Variants in USP37 observed in about 807,000 individuals in gnomAD.
USP37 encodes the protein ubiquitin specific peptidase 37.
A neutral mutation model predicts 124.0 loss-of-function variants in USP37; 27 were observed. The observed-to-expected ratio is 0.22, with a 90% CI of 0.16 to 0.30. The LOEUF is 0.30. Among genes scored for constraint, USP37 ranks in the 10% least tolerant of loss-of-function variants. USP37 has a pLI of 1.00. For missense variants in USP37, 889 were observed against 1,140.4 expected (o/e 0.78, Z 3.17); for synonymous variants, 365 against 388.0 (o/e 0.94, Z 0.70).
rs1334990975 is a variant in USP37 at position 218,497,590 on chromosome 2, C to T, written c.1281+144G>A. ...TGTATTTTTAGTAGACACAGGGTTT[C>T]GCCATGTTGGCCAGGCTGGTCTCAA... is the stretch of plus-strand genomic sequence containing the variant. On this transcript the variant is annotated intron_variant, in intron 13 of 25. Coordinates refer to ENST00000258399, the MANE Select transcript of USP37 (RefSeq NM_020935.3). 8.3e-6 allele frequency: 8 copies of T among 959,372 alleles called. No individual in the cohort carries two copies. In the Admixed American group the frequency reaches 9.1e-5, roughly 11 times the overall value. 59.4% of individuals were successfully genotyped at this position (959,372 alleles called of 1,614,324 possible). A position where few individuals can be genotyped will look rare whatever the true frequency, so the allele number is the denominator to read the frequency against.
intron 20 of USP37, among the ~76,000 whole-genome samples, chr2:218,470,714 T>G (rs1690635269): frequency 6.6e-6 from 1 of 152,244 alleles, no homozygotes; most frequent in Non-Finnish European, 1.5e-5. Context: ...TCTGAGTCTT[T>G]GTACACACTA....
intron 16 of USP37, among the ~76,000 whole-genome samples, chr2:218,484,645 AAC>A (rs199632182): frequency 0.66 from 98,072 of 149,352 alleles, 32,634 homozygotes; most frequent in East Asian, 0.89. Flanking sequence ...CAACAACAAC[AAC>A]AAACAACCAA....
chr2:218,549,881 A>G lies in USP37; in HGVS notation c.357T>C (p.Ser119=). Reference sequence around the variant, plus strand: ...TCCTGCTGCCCAGAATGGCTCCAAAACTACCAGACCCCTGAGACGGTTTCA... The same window carrying G: ...TCCTGCTGCCCAGAATGGCTCCAAAGCTACCAGACCCCTGAGACGGTTTCA... ...AAMKPSQGSG[S]FGAILGSRTS... The change falls in exon 6 of 26, where the codon AGT becomes AGC. Residue 119 remains serine, a synonymous_variant. Coordinates refer to ENST00000258399, the MANE Select transcript of USP37 (RefSeq NM_020935.3). 6.2e-7 allele frequency: 1 copy of G among 1,612,262 alleles called. No individual in the cohort carries two copies. The highest frequency in any genetic ancestry group is 8.5e-7 in the Non-Finnish European group (1 of 1,179,252).
intron 5 of USP37, among the ~76,000 whole-genome samples, chr2:218,553,213 G>GT (rs1244549144): frequency 2.6e-5 from 4 of 152,214 alleles, no homozygotes; most frequent in African/African-American, 7.2e-5. Flanking sequence ...GATGTTAGCT[G>GT]TAAGTTGTTG....
At chr2:218,522,669 A>C (rs535148162) in intron 10 of USP37, among the ~76,000 whole-genome samples, 11 of 151,120 alleles carry the variant, frequency 7.3e-5, no homozygotes, top group African/African-American at 2.7e-4. Flanking sequence ...TTTTTTTATT[A>C]ATTTGGGGAT....
intron 14 of USP37, among the ~76,000 whole-genome samples, chr2:218,490,377 T>C (rs910764195): frequency 2.6e-5 from 4 of 152,208 alleles, no homozygotes; most frequent in Non-Finnish European, 5.9e-5. Context: ...TTTATGTGCA[T>C]ATGTGGATAC....
At chr2:218,542,340 G>A (rs1692030652) in intron 8 of USP37, among the ~76,000 whole-genome samples, 1 of 152,190 alleles carries the variant, frequency 6.6e-6, no homozygotes, top group Admixed American at 6.5e-5. Context: ...TTAACAGACA[G>A]ACTTCTAATT....
rs915481378 is a variant in USP37, at chr2:218,485,720, A to T, written c.1614T>A (p.Cys538Ter). ...FFRAEELEYS[C>*]EKCGGKCALV... is the part of the protein sequence containing the mutation. ...GAGCACACTTCCCACCACACTTCTC[A>T]CAAGAATACTCCAGTTCTTCGGCCT... is the stretch of plus-strand genomic sequence containing the variant. Residue 538 changes from cysteine (C) to a stop codon, truncating the protein, a stop_gained, in exon 16 of 26, where the codon TGT becomes TGA. Transcript: ENST00000258399. LOFTEE classifies it high-confidence loss of function. 6.2e-7 allele frequency: 1 copy of T among 1,611,474 alleles called. No individual in the cohort carries two copies.
intron 11 of USP37, among the ~76,000 whole-genome samples, chr2:218,501,268 G>A (rs1689369723): frequency 6.6e-6 from 1 of 151,932 alleles, no homozygotes; most frequent in South Asian, 2.1e-4. Context: ...TTGAACTCCT[G>A]GGCTCAAGCA....
chr2:218,463,853 G>GTTT (rs1559162855), intron 21 of USP37, among the ~76,000 whole-genome samples: 4 of 129,248 alleles, frequency 3.1e-5, no homozygotes, highest in African/African-American at 3.0e-5. Context: ...TATTTTTTAA[G>GTTT]ATTTTTTTTT....
chr2:218,451,352 T>C lies in USP37; in HGVS notation c.*3578A>G, dbSNP rs1689472207. On this transcript the variant is annotated 3_prime_UTR_variant, in exon 26 of 26. Coordinates refer to ENST00000258399, the MANE Select transcript of USP37 (RefSeq NM_020935.3). ...ACTTGGAGATCCAGCTGTTGCCCCC[T>C]GTTTAAAACAAAAGACCACCTCGGG... 1 of 152,172 alleles carries C rather than the reference T, an allele frequency of 6.6e-6. No homozygotes were observed. Among genetic ancestry groups the C allele is most frequent in the Non-Finnish European group, 1.5e-5 (1 of 68,018 alleles). 9.4% of individuals were successfully genotyped at this position (152,172 alleles called of 1,614,324 possible).
chr2:218,492,328 A>G (rs1439683254), intron 14 of USP37, among the ~76,000 whole-genome samples: 3 of 152,230 alleles, frequency 2.0e-5, no homozygotes, highest in Non-Finnish European at 2.9e-5. Context: ...AACAAAAGCA[A>G]GGAAGCTCAT....
chr2:218,547,300 G>T (rs572380767), intron 6 of USP37, among the ~76,000 whole-genome samples: 1 of 152,072 alleles, frequency 6.6e-6, no homozygotes, highest in Non-Finnish European at 1.5e-5. Flanking sequence ...CTGCAATCTA[G>T]CCTAGGCGAC....
At chr2:218,567,418 A>G (rs570741153) in intron 1 of USP37, among the ~76,000 whole-genome samples, 2 of 152,290 alleles carry the variant, frequency 1.3e-5, no homozygotes, top group East Asian at 3.9e-4. Flanking sequence ...TACTATCAAT[A>G]TGGCAGATGA....
At chr2:218,465,661 G>T (rs1690274266) in intron 21 of USP37, among the ~76,000 whole-genome samples, 1 of 152,036 alleles carries the variant, frequency 6.6e-6, no homozygotes, top group Non-Finnish European at 1.5e-5. Flanking sequence ...GGGTTCAAGC[G>T]ATTCTCCTGC....
intron 10 of USP37, among the ~76,000 whole-genome samples, chr2:218,518,395 G>A (rs551295028): frequency 3.0e-4 from 46 of 152,118 alleles, no homozygotes; most frequent in African/African-American, 1.1e-3. Flanking sequence ...GTCCACTGCC[G>A]ATCTAAACTA....
chr2:218,482,273 T>C, intron 16 of USP37, 39 bp from the exon 17 acceptor site: 4 of 1,577,492 alleles, frequency 2.5e-6, no homozygotes, highest in Non-Finnish European at 3.5e-6. Flanking sequence ...AATTCATACA[T>C]AATACATGTA....
At chr2:218,525,005 C>T (rs540511390) in intron 10 of USP37, among the ~76,000 whole-genome samples, 4 of 152,316 alleles carry the variant, frequency 2.6e-5, no homozygotes, top group Admixed American at 2.0e-4. Flanking sequence ...TTACTGTATA[C>T]ACCCTATGTC....
At chr2:218,464,604 T>A (rs1690210246) in intron 21 of USP37, among the ~76,000 whole-genome samples, 1 of 152,112 alleles carries the variant, frequency 6.6e-6, no homozygotes, top group Non-Finnish European at 1.5e-5. Flanking sequence ...AACCTACCCA[T>A]TCATTCTAGG....
Sources: allele counts gnomAD v4.1 joint callset (sites outside exome capture counted in the v4.1 genomes callset), GRCh38; gene constraint gnomAD v4.1.1; transcripts MANE v1.5; gene names NCBI Gene and HGNC (gene_info 2026-07-23, HGNC 2026-07-21).